LRRC56: variants seen among roughly 807,000 people sequenced by gnomAD.
LRRC56 encodes the protein leucine-rich repeat-containing protein 56.
LRRC56 carries 41 observed loss-of-function variants against 47.8 expected under a neutral mutation model. The observed-to-expected ratio is 0.86, with a 90% CI of 0.67 to 1.11. The LOEUF is 1.11. Among genes scored for constraint, LRRC56 ranks in the 50% most tolerant of loss-of-function variants. The pLI is 0.00. For missense variants in LRRC56, 759 were observed against 704.2 expected (o/e 1.08, Z -0.88); for synonymous variants, 387 against 311.2 (o/e 1.24, Z -2.56).
At chr11:518,372 G>T in the LRRC56 span, among the ~76,000 whole-genome samples, 2 of 152,138 alleles carry the variant, frequency 1.3e-5, no homozygotes, top group East Asian at 3.9e-4. Flanking sequence ...TGGTAGAGAC[G>T]GGGTTTCATG....
chr11:539,230 G>A (rs1388110413), intron 2 of LRRC56, among the ~76,000 whole-genome samples: 1 of 151,930 alleles, frequency 6.6e-6, no homozygotes, highest in Non-Finnish European at 1.5e-5. Context: ...ACAGGCGTCC[G>A]CCACCACGCC....
In LRRC56 at chr11:550,173, G is replaced by A. The variant is rs752935605; in HGVS notation, c.525G>A (p.Leu175=). ...TGGAGGGCAACAGCGTGGAGGACCT[G>A]GGGCAGGTGCGCTACTTGCAGCTGT... ...LDLEGNSVED[L]GQVRYLQLCP... is the part of the protein sequence containing the mutation. Residue 175 remains leucine (L), a synonymous_variant, in exon 8 of 14, where the codon CTG becomes CTA. Coordinates refer to ENST00000270115, the MANE Select transcript of LRRC56 (RefSeq NM_198075.4). The A allele has an allele frequency of 8.1e-6, 13 of 1,613,232 alleles. No homozygotes were observed. The Admixed American group carries it at 2.0e-4, about 25-fold the overall frequency.
chr11:539,469 C>CCGCCT lies in LRRC56; in HGVS notation c.-158-107_-158-103dup, dbSNP rs1168729571. 1.3e-4 allele frequency: 19 copies of CCGCCT among 149,952 alleles called. No individual in the cohort carries two copies. The Admixed American group carries it at 1.3e-3, about 10-fold the overall frequency. 9.3% of individuals were successfully genotyped at this position (149,952 alleles called of 1,614,324 possible). A position where few individuals can be genotyped will look rare whatever the true frequency, so the allele number is the denominator to read the frequency against. ...GCGCGATCTTGTCTCACTGCAAGCT[C>CCGCCT]CGCCTCGCGGGTTCATGGCATTCTC... On this transcript the variant is annotated intron_variant, in intron 2 of 13. Coordinates refer to ENST00000270115, the MANE Select transcript of LRRC56 (RefSeq NM_198075.4).
At chr11:524,964 T>TGC in the LRRC56 span, among the ~76,000 whole-genome samples, 1 of 150,040 alleles carries the variant, frequency 6.7e-6, no homozygotes, top group Non-Finnish European at 1.5e-5. Context: ...GGCGTGGTGG[T>TGC]GCCTGCCTGT....
Position 551,283 on chromosome 11 carries a change from C to T in LRRC56, c.777C>T (p.Gly259=), listed in dbSNP as rs189029432. 8.9e-4 allele frequency: 1,361 copies of T among 1,530,860 alleles called. 9 individuals carry two copies. The Middle Eastern group carries it at 0.016, about 18-fold the overall frequency. The allele number at this position is 1,530,860 out of a possible 1,614,324, so 94.8% of individuals were successfully genotyped here. A position where few individuals can be genotyped will look rare whatever the true frequency, so the allele number is the denominator to read the frequency against. ...WLAVKEAIKK[G]NGLPPLDCPR... ...CGGTGAAGGAGGCCATCAAGAAGGG[C>T]AACGGCCTTCCCCCGCTGGGTACGG... Residue 259 remains glycine, a synonymous_variant, in exon 9 of 14, where the codon GGC becomes GGT. Transcript: ENST00000270115.
chr11:551,601 G>T lies in LRRC56; in HGVS notation c.797-50G>T, dbSNP rs367599811. On this transcript the variant is annotated intron_variant, in intron 9 of 13. Transcript: ENST00000270115. ...CCTGGTCTGTGGACAGAGTCTGGGG[G>T]GCGCTCTCAGGCTGGGCCTTGGTGA... The T allele has an allele frequency of 4.7e-5, 71 of 1,514,916 alleles. No individual in the cohort carries two copies. In the East Asian group the frequency reaches 9.1e-4, roughly 19 times the overall value. 93.8% of individuals were successfully genotyped at this position (1,514,916 alleles called of 1,614,324 possible). A position where few individuals can be genotyped will look rare whatever the true frequency, so the allele number is the denominator to read the frequency against.
At position 544,675 on chromosome 11, in the gene LRRC56, C is replaced by G. The variant is rs754449334; in HGVS notation, c.266-45C>G. 10 of 1,595,368 alleles carry G rather than the reference C, an allele frequency of 6.3e-6. No homozygotes were observed. The African/African-American group carries it at 6.7e-5, about 11-fold the overall frequency. ...GGGTGAAGGAGGGTGCAGAGGTGGG[C>G]GGGGTGAGGGGCCGGGCCAACCTCC... On this transcript the variant is annotated intron_variant, in intron 5 of 13. Coordinates refer to ENST00000270115, the MANE Select transcript of LRRC56 (RefSeq NM_198075.4).
the LRRC56 span, among the ~76,000 whole-genome samples, chr11:509,714 A>ATTTTTTTTTT: frequency 1.6e-5 from 2 of 125,208 alleles, no homozygotes; most frequent in Non-Finnish European, 3.3e-5. Flanking sequence ...CGCCCGGCTA[A>ATTTTTTTTTT]TTTTTTTTTT....
rs995682286 is a variant in LRRC56 at position 552,398 on chromosome 11, G to C, written c.1181+166G>C. Among the ~76,000 whole-genome samples, 11 of 133,464 alleles carry C rather than the reference G, an allele frequency of 8.2e-5. No homozygotes were observed. The East Asian group carries it at 1.5e-3, about 18-fold the overall frequency. The allele number at this position is 133,464 out of a possible 152,430, so 87.6% of individuals were successfully genotyped here. A position where few individuals can be genotyped will look rare whatever the true frequency, so the allele number is the denominator to read the frequency against. ...CTGGGGCTACCTTGGCTGAGTCATC[G>C]CTGGTCCCAAGGCTCGTGGACCATC... On this transcript the variant is annotated intron_variant, in intron 12 of 13. Transcript: ENST00000270115.
intron 13 of LRRC56, among the ~76,000 whole-genome samples, chr11:553,081 T>C (rs895823234): frequency 2.0e-5 from 3 of 151,996 alleles, no homozygotes; most frequent in African/African-American, 7.3e-5. Context: ...CAGGCATGAG[T>C]CCGGGGGCTG....
chr11:508,145 A>C, the LRRC56 span, among the ~76,000 whole-genome samples: 1 of 152,168 alleles, frequency 6.6e-6, no homozygotes, highest in Admixed American at 6.5e-5. Flanking sequence ...CAATTTGCTA[A>C]ACCTCTCCTC....
At chr11:507,406 T>A in the LRRC56 span, 1 of 130,852 alleles carries the variant, frequency 7.6e-6, no homozygotes, top group African/African-American at 3.1e-5. Context: ...TGGTGGGGCG[T>A]GGCTCGGTGA....
chr11:508,820 G>A, the LRRC56 span, among the ~76,000 whole-genome samples: 1 of 151,692 alleles, frequency 6.6e-6, no homozygotes, highest in African/African-American at 2.4e-5. Flanking sequence ...AAGGCAGGCA[G>A]ATCACCTGAG....
At chr11:527,021 G>A in the LRRC56 span, among the ~76,000 whole-genome samples, 2 of 152,138 alleles carry the variant, frequency 1.3e-5, no homozygotes, top group African/African-American at 2.4e-5. Flanking sequence ...TTTGGGACTG[G>A]CCAGGTGCGG....
upstream of LRRC56, chr11:537,301 G>C (rs1450792471): frequency 1.3e-5 from 2 of 152,344 alleles, no homozygotes; most frequent in East Asian, 3.9e-4. Context: ...CACCCAACTC[G>C]AGTTGGTGGC....
intron 6 of LRRC56, among the ~76,000 whole-genome samples, chr11:549,365 G>A (rs1325253268): frequency 6.6e-6 from 1 of 152,092 alleles, no homozygotes; most frequent in East Asian, 1.9e-4. Flanking sequence ...GCTACAGTGG[G>A]AACAGGGTGG....
chr11:506,851 C>A, the LRRC56 span: 1 of 152,336 alleles, frequency 6.6e-6, no homozygotes, highest in Non-Finnish European at 1.5e-5. Flanking sequence ...TTCCGGCAAG[C>A]CCCAAAGGGG....
rs948059594 is a variant in LRRC56, at chr11:554,812, G to T, written c.*536G>T. The T allele has an allele frequency of 1.8e-6, 1 of 550,828 alleles. No homozygotes were observed. Among genetic ancestry groups the T allele is most frequent in the Non-Finnish European group, 3.1e-6 (1 of 324,840 alleles). 34.1% of individuals were successfully genotyped at this position (550,828 alleles called of 1,614,324 possible). ...GGGCGGCCCGTTCCCTCCTCTTGGCGCAGGACGCCCCGGAACCCAAACCAA... is the reference window on the plus strand; with the variant it reads ...GGGCGGCCCGTTCCCTCCTCTTGGCTCAGGACGCCCCGGAACCCAAACCAA... On this transcript the variant is annotated 3_prime_UTR_variant, in exon 14 of 14. Coordinates refer to ENST00000270115, the MANE Select transcript of LRRC56 (RefSeq NM_198075.4).
the LRRC56 span, among the ~76,000 whole-genome samples, chr11:509,079 A>T: frequency 2.7e-5 from 4 of 150,528 alleles, no homozygotes; most frequent in African/African-American, 9.7e-5. Context: ...CTCAAAAAGA[A>T]GGTGGTTCAC....
Sources: allele counts gnomAD v4.1 joint callset (sites outside exome capture counted in the v4.1 genomes callset), GRCh38; gene constraint gnomAD v4.1.1; transcripts MANE v1.5; gene names NCBI Gene and HGNC (gene_info 2026-07-23, HGNC 2026-07-21).